Variants in FNBP1 observed in about 807,000 individuals in gnomAD.
FNBP1 encodes the protein formin-binding protein 1.
In FNBP1, 26 loss-of-function variants were observed where a neutral mutation model predicts 90.6. That is an observed-to-expected ratio of 0.29 (90% confidence interval 0.21 to 0.40). The LOEUF (loss-of-function observed/expected upper bound fraction) is 0.40, where lower values mean the gene tolerates loss of function less well. Among genes scored for constraint, FNBP1 ranks in the 10% least tolerant of loss-of-function variants. The pLI, the probability that FNBP1 is intolerant of heterozygous loss-of-function variation, is 1.00. For missense variants in FNBP1, 635 were observed against 768.0 expected, an observed-to-expected ratio of 0.83 and a Z score of 2.05; for synonymous variants, 260 against 265.2, an observed-to-expected ratio of 0.98 and a Z score of 0.19.
intron 1 of FNBP1, among the ~76,000 whole-genome samples, chr9:130,011,243 A>AAAT (rs1554854971): frequency 1.9e-4 from 8 of 42,234 alleles, no homozygotes; most frequent in Non-Finnish European, 2.5e-4. Context: ...AAAAAAAAAA[A>AAAT]ATATATATAT....
intron 16 of FNBP1, among the ~76,000 whole-genome samples, chr9:129,892,014 A>AC (rs1457846580): frequency 6.6e-6 from 1 of 152,098 alleles, no homozygotes; most frequent in African/African-American, 2.4e-5. Context: ...CTTACTCAGA[A>AC]CCCCAGAGTT....
upstream of FNBP1, among the ~76,000 whole-genome samples, chr9:130,048,041 C>T (rs780632603): frequency 6.6e-6 from 1 of 151,710 alleles, no homozygotes; most frequent in African/African-American, 2.4e-5. Context: ...GGATCTTGGC[C>T]AGACGCAGTG....
chr9:129,901,010 G>T (rs555075873), intron 13 of FNBP1, among the ~76,000 whole-genome samples: 57 of 151,172 alleles, frequency 3.8e-4, no homozygotes, highest in African/African-American at 1.4e-3. Flanking sequence ...TTTTTTAGGA[G>T]TGTAACTTTT....
At position 129,994,932 on chromosome 9, in the gene FNBP1, G is replaced by A. The variant is rs1564527811; in HGVS notation, c.51C>T (p.His17=). The A allele has an allele frequency of 6.3e-7, 1 of 1,599,462 alleles. No homozygotes were observed. The highest frequency in any genetic ancestry group is 1.3e-5 in the African/African-American group (1 of 74,740). ...CAAGAATATCAATTCCCCACTGTGT[G>A]TGTTTTTCTAAGTTGTCAAACTGAT... The part of the protein sequence containing the change: ...LWDQFDNLEK[H]TQWGIDILEK... Residue 17 remains histidine (H), a synonymous_variant, in exon 2 of 17, where the codon CAC becomes CAT. Transcript: ENST00000446176.
At chr9:129,908,651 C>G (rs2131529649) in intron 12 of FNBP1, among the ~76,000 whole-genome samples, 1 of 152,186 alleles carries the variant, frequency 6.6e-6, no homozygotes, top group South Asian at 2.1e-4. Flanking sequence ...CTCCTGAGTT[C>G]AAGCAATTCT....
At chr9:129,902,618 C>T (rs185788739) in intron 13 of FNBP1, among the ~76,000 whole-genome samples, 1 of 152,184 alleles carries the variant, frequency 6.6e-6, no homozygotes, top group Non-Finnish European at 1.5e-5. Context: ...CCCCGCCAAC[C>T]CCGCACCGTA....
At chr9:129,897,444 AT>A in intron 15 of FNBP1, among the ~76,000 whole-genome samples, 1 of 152,330 alleles carries the variant, frequency 6.6e-6, no homozygotes, top group Non-Finnish European at 1.5e-5. Context: ...CACAATGAAC[AT>A]TTAGTCTATT....
the FNBP1 span, among the ~76,000 whole-genome samples, chr9:130,053,095 G>C: frequency 6.6e-6 from 1 of 152,084 alleles, no homozygotes; most frequent in Non-Finnish European, 1.5e-5. Context: ...CAGCCTGGGT[G>C]ACAAGAGCTA....
intron 4 of FNBP1, among the ~76,000 whole-genome samples, chr9:129,962,243 T>C (rs998857648): frequency 3.3e-5 from 5 of 152,212 alleles, no homozygotes; most frequent in Non-Finnish European, 7.3e-5. Context: ...GGGGGCAACA[T>C]CAGCTCCCCA....
At chr9:129,892,140 AAAAC>A (rs1484497215) in intron 16 of FNBP1, among the ~76,000 whole-genome samples, 1 of 152,192 alleles carries the variant, frequency 6.6e-6, no homozygotes, top group East Asian at 1.9e-4. Context: ...GAGAACCCAT[AAAAC>A]AAACAGATAA....
At chr9:130,034,663 G>A (rs1397191729) in intron 1 of FNBP1, among the ~76,000 whole-genome samples, 1 of 152,236 alleles carries the variant, frequency 6.6e-6, no homozygotes, top group Non-Finnish European at 1.5e-5. Flanking sequence ...CATCTATGAA[G>A]CATCTGCTTG....
At chr9:130,047,180 C>T (rs189879729), upstream of FNBP1, among the ~76,000 whole-genome samples, 12 of 151,498 alleles carry the variant, frequency 7.9e-5, no homozygotes, top group African/African-American at 2.9e-4. Context: ...GACCCAGTCT[C>T]TAAAAAAAAA....
intron 12 of FNBP1, among the ~76,000 whole-genome samples, chr9:129,905,706 T>C (rs2037904139): frequency 1.3e-5 from 2 of 152,198 alleles, no homozygotes; most frequent in Non-Finnish European, 2.9e-5. Flanking sequence ...CAGTGATTTT[T>C]ACCTCTGTTT....
chr9:129,915,094 A>C (rs561950728), intron 11 of FNBP1, among the ~76,000 whole-genome samples: 1 of 152,180 alleles, frequency 6.6e-6, no homozygotes, highest in Non-Finnish European at 1.5e-5. Flanking sequence ...TTCACTGTCC[A>C]TGAAATCATC....
chr9:129,931,642 A>AAATG (rs1007585026), intron 6 of FNBP1, among the ~76,000 whole-genome samples: 1 of 150,564 alleles, frequency 6.6e-6, no homozygotes, highest in African/African-American at 2.4e-5. Flanking sequence ...ATAAATAAAT[A>AAATG]AATAAATTAG....
intron 6 of FNBP1, among the ~76,000 whole-genome samples, chr9:129,954,283 G>A (rs534328666): frequency 1.1e-3 from 162 of 152,118 alleles, no homozygotes; most frequent in Non-Finnish European, 1.9e-3. Flanking sequence ...GTTTGTAACT[G>A]ATTTACGCAA....
chr9:129,915,697 T>G (rs998078613), intron 11 of FNBP1, among the ~76,000 whole-genome samples: 1 of 152,126 alleles, frequency 6.6e-6, no homozygotes. Flanking sequence ...ACTTTAACAT[T>G]TGTCCTCCTC....
intron 4 of FNBP1, among the ~76,000 whole-genome samples, chr9:129,959,177 T>C (rs543244013): frequency 2.6e-5 from 4 of 151,054 alleles, no homozygotes; most frequent in African/African-American, 9.7e-5. Context: ...AGCACACCTG[T>C]AGTCAGTTAC....
intron 8 of FNBP1, 146 bp from the exon 9 acceptor site, chr9:129,925,303 A>ATTTG: frequency 1.6e-6 from 1 of 626,926 alleles, no homozygotes; most frequent in Non-Finnish European, 2.8e-6. Flanking sequence ...TCAGGAGATC[A>ATTTG]AGACCATCCT....
Sources: allele counts gnomAD v4.1 joint callset (sites outside exome capture counted in the v4.1 genomes callset), GRCh38; gene constraint gnomAD v4.1.1; transcripts MANE v1.5; gene names NCBI Gene and HGNC (gene_info 2026-07-23, HGNC 2026-07-21).